The following IGF2BP3 variants were observed in gnomAD, a reference collection of about 807,000 sequenced individuals.
The protein encoded by IGF2BP3 is insulin-like growth factor 2 mRNA-binding protein 3.
IGF2BP3 carries 9 observed loss-of-function variants against 73.8 expected under a neutral mutation model. That is an observed-to-expected ratio of 0.12 (90% CI 0.07 to 0.21). The LOEUF is 0.21. Among genes scored for constraint, IGF2BP3 ranks in the 10% least tolerant of loss-of-function variants. The pLI is 1.00. For synonymous variants in IGF2BP3, 258 were observed against 256.7 expected, an observed-to-expected ratio of 1.01 and a Z score of -0.05; for missense variants, 542 against 714.0, an observed-to-expected ratio of 0.76 and a Z score of 2.75.
rs954006824 is a variant in IGF2BP3 at position 23,345,830 on chromosome 7, GCA to G, written c.941+108_941+109del. The G allele has an allele frequency of 4.3e-5, 54 of 1,254,956 alleles. No individual in the cohort carries two copies. In the African/African-American group the frequency reaches 7.8e-4, roughly 18 times the overall value. The allele number at this position is 1,254,956 out of a possible 1,614,324, so 77.7% of individuals were successfully genotyped here. Reference sequence around the variant, plus strand: ...ATTTGAGAAACCATGTGTAAGTACGGCAGCACAGGCTAGCTGAAGCAGCTGTA... The same window carrying G: ...ATTTGAGAAACCATGTGTAAGTACGGGCACAGGCTAGCTGAAGCAGCTGTA... On this transcript the variant is annotated intron_variant, in intron 8 of 14. Coordinates refer to ENST00000258729, the MANE Select transcript of IGF2BP3 (RefSeq NM_006547.3).
chr7:23,398,731 A>C (rs1482260825), intron 3 of IGF2BP3, among the ~76,000 whole-genome samples: 3 of 152,154 alleles, frequency 2.0e-5, no homozygotes, highest in Non-Finnish European at 4.4e-5. Flanking sequence ...GTGTCTGTTC[A>C]TATCCTTTGC....
intron 3 of IGF2BP3, among the ~76,000 whole-genome samples, chr7:23,370,595 G>A (rs1389290807): frequency 6.6e-6 from 1 of 152,086 alleles, no homozygotes; most frequent in Non-Finnish European, 1.5e-5. Flanking sequence ...CAGGATCTGT[G>A]ATGAACAATA....
chr7:23,421,647 C>T (rs1284480580), intron 2 of IGF2BP3, among the ~76,000 whole-genome samples: 9 of 146,740 alleles, frequency 6.1e-5, no homozygotes, highest in South Asian at 2.2e-4. Flanking sequence ...GCCAAGATTG[C>T]GCCACTGCAC....
At chr7:23,376,541 AAAAAAAAAAAAAAAAAAG>A (rs1187779566) in intron 3 of IGF2BP3, among the ~76,000 whole-genome samples, 1 of 130,014 alleles carries the variant, frequency 7.7e-6, no homozygotes, top group Non-Finnish European at 1.7e-5. Context: ...TCTCCCAAAG[AAAAAAAAAAAAAAAAAAG>A]AAAGAAAGAA....
chr7:23,438,411 C>A (rs149388684), intron 2 of IGF2BP3, among the ~76,000 whole-genome samples: 1 of 152,168 alleles, frequency 6.6e-6, no homozygotes, highest in South Asian at 2.1e-4. Context: ...CACCAAGCCA[C>A]TACACTGGGC....
At chr7:23,381,867 C>T (rs544737367) in intron 3 of IGF2BP3, among the ~76,000 whole-genome samples, 3 of 152,258 alleles carry the variant, frequency 2.0e-5, no homozygotes, top group African/African-American at 7.2e-5. Context: ...GCCAATGCAC[C>T]CGGCCTTAAA....
intron 10 of IGF2BP3, among the ~76,000 whole-genome samples, chr7:23,327,225 C>T (rs1318727049): frequency 6.6e-6 from 1 of 152,000 alleles, no homozygotes; most frequent in East Asian, 1.9e-4. Context: ...CAAGTTAACC[C>T]ATCAGTACTG....
chr7:23,375,418 A>G (rs1785687299), intron 3 of IGF2BP3, among the ~76,000 whole-genome samples: 1 of 152,156 alleles, frequency 6.6e-6, no homozygotes, highest in Non-Finnish European at 1.5e-5. Context: ...GGAGTCAAGC[A>G]AAGAACTAGG....
chr7:23,365,128 T>C (rs574836292), intron 3 of IGF2BP3, among the ~76,000 whole-genome samples: 1 of 152,244 alleles, frequency 6.6e-6, no homozygotes, highest in Non-Finnish European at 1.5e-5. Flanking sequence ...ATTGCACCAC[T>C]GCACTCCAGC....
rs1786006570 is a variant in IGF2BP3, at chr7:23,384,121, A to G, written c.286-22380T>C. On this transcript the variant is annotated intron_variant, in intron 3 of 14. Coordinates refer to ENST00000258729, the MANE Select transcript of IGF2BP3 (RefSeq NM_006547.3). ...AAAAAAAAAAAAAAAAAAAAAGAATAAAAGTCTGGATACAGGCAACAACAT... is the reference window on the plus strand; with the variant it reads ...AAAAAAAAAAAAAAAAAAAAAGAATGAAAGTCTGGATACAGGCAACAACAT... Among the ~76,000 whole-genome samples, 8 of 151,246 alleles carry G rather than the reference A, an allele frequency of 5.3e-5. No individual in the cohort carries two copies. In the South Asian group the frequency reaches 1.5e-3, roughly 28 times the overall value.
At position 23,377,299 on chromosome 7, in the gene IGF2BP3, A is replaced by AT. The variant is rs967319148; in HGVS notation, c.286-15559dup. On this transcript the variant is annotated intron_variant, in intron 3 of 14. Transcript: ENST00000258729. The stretch of plus-strand genomic sequence containing the variant: ...TCAACACTAAAAGGCCAAATAACCC[A>AT]TTTTTTTATGCAGAGGAAGTGAATA... 9.9e-5 allele frequency among the ~76,000 whole-genome samples: 15 copies of AT among 152,262 alleles called. No individual in the cohort carries two copies. The South Asian group carries it at 1.9e-3, about 19-fold the overall frequency.
At chr7:23,405,916 A>G (rs1011153491) in intron 3 of IGF2BP3, among the ~76,000 whole-genome samples, 23 of 152,196 alleles carry the variant, frequency 1.5e-4, no homozygotes, top group African/African-American at 5.5e-4. Context: ...CTTCTGGAGA[A>G]GAATGCTGTG....
At chr7:23,317,820 A>C (rs1784032524) in intron 11 of IGF2BP3, 107 bp from the exon 12 acceptor site, 1 of 905,294 alleles carries the variant, frequency 1.1e-6, no homozygotes, top group Non-Finnish European at 1.8e-6. Flanking sequence ...TGCAGAATTA[A>C]AGCCTTCGTG....
At chr7:23,320,285 G>C (rs1455853478) in intron 10 of IGF2BP3, among the ~76,000 whole-genome samples, 1 of 152,144 alleles carries the variant, frequency 6.6e-6, no homozygotes, top group Non-Finnish European at 1.5e-5. Context: ...TTCATAAATA[G>C]ATTTTATCTA....
chr7:23,361,832 T>C (rs1785238184), intron 3 of IGF2BP3, 91 bp from the exon 4 acceptor site: 1 of 1,216,504 alleles, frequency 8.2e-7, no homozygotes, highest in Non-Finnish European at 1.2e-6. Flanking sequence ...TAAGTAATTG[T>C]GATGGAAAAG....
intron 2 of IGF2BP3, among the ~76,000 whole-genome samples, chr7:23,457,886 T>C (rs369750968): frequency 6.6e-6 from 1 of 152,266 alleles, no homozygotes; most frequent in African/African-American, 2.4e-5. Flanking sequence ...CAATCTGTTG[T>C]ATCTATGTTG....
intron 8 of IGF2BP3, among the ~76,000 whole-genome samples, chr7:23,344,090 C>T (rs1784776152): frequency 2.0e-5 from 3 of 152,142 alleles, no homozygotes; most frequent in Admixed American, 1.3e-4. Context: ...TTACTGGATA[C>T]ATATAGTTCA....
At chr7:23,415,912 T>C (rs1162044160) in intron 3 of IGF2BP3, among the ~76,000 whole-genome samples, 1 of 152,258 alleles carries the variant, frequency 6.6e-6, no homozygotes, top group Non-Finnish European at 1.5e-5. Flanking sequence ...TGGATCTCAC[T>C]GAGACAAGCA....
rs1416296078 is a variant in IGF2BP3, at chr7:23,470,342, CA to C, written c.-233del. 3.0e-6 allele frequency: 1 copy of C among 337,202 alleles called. No individual in the cohort carries two copies. Among genetic ancestry groups the C allele is most frequent in the African/African-American group, 2.1e-5 (1 of 46,902 alleles). The allele number at this position is 337,202 out of a possible 1,614,324, so 20.9% of individuals were successfully genotyped here. On this transcript the variant is annotated 5_prime_UTR_variant, in exon 1 of 15. It removes the in-frame stop codon of an upstream open reading frame in the 5' UTR. Coordinates refer to ENST00000258729, the MANE Select transcript of IGF2BP3 (RefSeq NM_006547.3). ...AGAAAGAAAAGAAAAAGCCTAGCTA[CA>C]ACCCAAACGCATCCACCAGTCTTCC...
Sources: allele counts gnomAD v4.1 joint callset (sites outside exome capture counted in the v4.1 genomes callset), GRCh38; gene constraint gnomAD v4.1.1; transcripts MANE v1.5; gene names NCBI Gene and HGNC (gene_info 2026-07-23, HGNC 2026-07-21).